The following RPTOR variants were observed in gnomAD, a reference collection of about 807,000 sequenced individuals.
RPTOR encodes the protein regulatory associated protein of MTOR complex 1.
A neutral mutation model predicts 169.9 loss-of-function variants in RPTOR; 21 were observed. The observed-to-expected ratio is 0.12, with a 90% CI of 0.09 to 0.18. The LOEUF (loss-of-function observed/expected upper bound fraction) is 0.18. Among genes scored for constraint, RPTOR ranks in the 10% least tolerant of loss-of-function variants. RPTOR has a pLI of 1.00. For missense variants in RPTOR, 1,133 were observed against 1,855.9 expected, an observed-to-expected ratio of 0.61 and a Z score of 7.16; for synonymous variants, 732 against 753.2, an observed-to-expected ratio of 0.97 and a Z score of 0.46.
At chr17:80,882,693 G>A (rs1211675462) in intron 14 of RPTOR, among the ~76,000 whole-genome samples, 1 of 152,180 alleles carries the variant, frequency 6.6e-6, no homozygotes, top group East Asian at 1.9e-4. Flanking sequence ...CAAGATGCAG[G>A]ACACGGCAAA....
At position 80,861,540 on chromosome 17, in the gene RPTOR, C is replaced by T. The variant is rs1567954421; in HGVS notation, c.1509+3640C>T. On this transcript the variant is annotated intron_variant, in intron 13 of 33. Transcript: ENST00000306801. The surrounding 1 kb of genome is among the most constrained non-coding windows in gnomAD (Gnocchi z 4.5). ...TGAAACGTGGTTTCTGTCCTACACC[C>T]ATATCTTCGTCATCTACATGGACAC... is the stretch of plus-strand genomic sequence containing the variant. Among the ~76,000 whole-genome samples, 2 of 151,930 alleles carry T rather than the reference C, an allele frequency of 1.3e-5. No individual in the cohort carries two copies. Among genetic ancestry groups the T allele is most frequent in the African/African-American group, 4.8e-5 (2 of 41,420 alleles).
chr17:80,692,375 G>A (rs1342328499), intron 3 of RPTOR, among the ~76,000 whole-genome samples: 3 of 152,128 alleles, frequency 2.0e-5, no homozygotes, highest in East Asian at 1.9e-4. Context: ...AGGCTGGAGC[G>A]CAGTGGCATG....
At chr17:80,557,816 C>T (rs2084429751) in intron 1 of RPTOR, among the ~76,000 whole-genome samples, 1 of 151,820 alleles carries the variant, frequency 6.6e-6, no homozygotes, top group Non-Finnish European at 1.5e-5. Context: ...ATCCCAGCTA[C>T]TCGGGAGGCT....
intron 33 of RPTOR, among the ~76,000 whole-genome samples, chr17:80,963,986 C>T (rs1392083650): frequency 6.6e-6 from 1 of 152,186 alleles, no homozygotes; most frequent in Non-Finnish European, 1.5e-5. Context: ...TCTGCTGACA[C>T]GTGTGACATT....
At chr17:80,578,265 G>A (rs1047909278) in intron 1 of RPTOR, among the ~76,000 whole-genome samples, 1 of 152,162 alleles carries the variant, frequency 6.6e-6, no homozygotes, top group Non-Finnish European at 1.5e-5. Flanking sequence ...TGCGATGTTG[G>A]CACTGCTTTG....
intron 5 of RPTOR, among the ~76,000 whole-genome samples, chr17:80,742,665 A>G (rs1360137737): frequency 1.5e-5 from 2 of 130,214 alleles, no homozygotes; most frequent in Non-Finnish European, 3.4e-5. Context: ...ACACATGCAC[A>G]TACACATACA....
chr17:80,893,176 C>T (rs2068348003), intron 19 of RPTOR, among the ~76,000 whole-genome samples: 1 of 152,260 alleles, frequency 6.6e-6, no homozygotes, highest in South Asian at 2.1e-4. Flanking sequence ...AACCTGTGGT[C>T]TGCGGGTGGG....
chr17:80,922,607 C>T lies in RPTOR; in HGVS notation c.2521-117C>T, dbSNP rs914254715. ...CCTTCCATTGGTGTTGGTGCTTCCT[C>T]GGCCAAAGGCCTTTTCTGTGATTCT... On this transcript the variant is annotated intron_variant, in intron 21 of 33. Coordinates refer to ENST00000306801, the MANE Select transcript of RPTOR (RefSeq NM_020761.3). 43 of 825,392 alleles carry T rather than the reference C, an allele frequency of 5.2e-5. No individual in the cohort carries two copies. The Admixed American group carries it at 7.8e-4, about 15-fold the overall frequency. The allele number at this position is 825,392 out of a possible 1,614,324, so 51.1% of individuals were successfully genotyped here.
chr17:80,965,548 G>A lies in RPTOR; in HGVS notation c.*1218G>A, dbSNP rs1311659817. On this transcript the variant is annotated 3_prime_UTR_variant, in exon 34 of 34. Coordinates refer to ENST00000306801, the MANE Select transcript of RPTOR (RefSeq NM_020761.3). ...TTTGAAAAGTGTTCTTTCCGTGTTC[G>A]TCGGGAATCAGGATTATTGAGAGGT... 13 of 233,266 alleles carry A rather than the reference G, an allele frequency of 5.6e-5. No homozygotes were observed. Among genetic ancestry groups the A allele is most frequent in the South Asian group, 3.6e-4 (2 of 5,538 alleles). 14.4% of individuals were successfully genotyped at this position (233,266 alleles called of 1,614,324 possible).
chr17:80,666,032 G>A (rs1308900907), intron 3 of RPTOR, among the ~76,000 whole-genome samples: 1 of 152,150 alleles, frequency 6.6e-6, no homozygotes, highest in Non-Finnish European at 1.5e-5. Flanking sequence ...ACTGGGACTT[G>A]TGGGCTGAGC....
At chr17:80,663,186 A>C (rs1474785226) in intron 3 of RPTOR, among the ~76,000 whole-genome samples, 2 of 152,182 alleles carry the variant, frequency 1.3e-5, no homozygotes, top group South Asian at 2.1e-4. Flanking sequence ...CGCAGGGTGC[A>C]TCCACCCTCC....
Position 80,855,452 on chromosome 17 carries a change from T to G in RPTOR, c.1315-12T>G. The G allele has an allele frequency of 1.2e-6, 2 of 1,608,350 alleles. No homozygotes were observed. Among genetic ancestry groups the G allele is most frequent in the Non-Finnish European group, 1.7e-6 (2 of 1,174,824 alleles). ...GGTTTGCAGTGATACCATTTTCTTC[T>G]TGTTCTTCCAGGTGCTGTTAAGCCA... On this transcript the variant is annotated splice_polypyrimidine_tract_variant and intron_variant, in intron 11 of 33. Transcript: ENST00000306801.
At chr17:80,862,371 A>G (rs1159604620) in intron 13 of RPTOR, among the ~76,000 whole-genome samples, 1 of 152,080 alleles carries the variant, frequency 6.6e-6, no homozygotes, top group Non-Finnish European at 1.5e-5. Context: ...AACTTCCCAG[A>G]GATGAAAGTT....
intron 1 of RPTOR, among the ~76,000 whole-genome samples, chr17:80,561,472 T>C (rs2084494691): frequency 6.7e-6 from 1 of 149,562 alleles, no homozygotes; most frequent in African/African-American, 2.5e-5. Flanking sequence ...ACTGTGTCAC[T>C]GAGGCTGGAG....
At chr17:80,679,458 A>G (rs1187707986) in intron 3 of RPTOR, among the ~76,000 whole-genome samples, 1 of 152,058 alleles carries the variant, frequency 6.6e-6, no homozygotes, top group Non-Finnish European at 1.5e-5. Flanking sequence ...ATGTTACTCT[A>G]AGTTTTCGTT....
At chr17:80,833,116 G>C (rs1042442716) in intron 9 of RPTOR, among the ~76,000 whole-genome samples, 6 of 152,248 alleles carry the variant, frequency 3.9e-5, no homozygotes, top group East Asian at 3.9e-4. Context: ...CGGGGCGGGC[G>C]CGCTCTGACT....
chr17:80,903,277 G>A (rs931854748), intron 20 of RPTOR, among the ~76,000 whole-genome samples: 5 of 152,230 alleles, frequency 3.3e-5, no homozygotes, highest in Non-Finnish European at 7.3e-5. Context: ...ACCTGAACAC[G>A]GGATTCTGCG....
chr17:80,683,303 C>T (rs911338821), intron 3 of RPTOR, among the ~76,000 whole-genome samples: 2 of 152,152 alleles, frequency 1.3e-5, no homozygotes, highest in Admixed American at 6.5e-5. Context: ...TGTCTTCTCC[C>T]GACAAGAGCA....
rs573482516 is a variant in RPTOR, at chr17:80,551,036, T to G, written c.162+5245T>G. ...CCGAGTAGCTGGGACTACCAGTGCA[T>G]GACACCATGCCCGGCTGATTTTTTG... is the stretch of plus-strand genomic sequence containing the variant. On this transcript the variant is annotated intron_variant, in intron 1 of 33. Coordinates refer to ENST00000306801, the MANE Select transcript of RPTOR (RefSeq NM_020761.3). Among the ~76,000 whole-genome samples, 208 of 152,256 alleles carry G rather than the reference T, an allele frequency of 1.4e-3. 1 individual carries two copies. Among genetic ancestry groups the G allele is most frequent in the African/African-American group, 4.8e-3 (199 of 41,552 alleles).
Sources: allele counts gnomAD v4.1 joint callset (sites outside exome capture counted in the v4.1 genomes callset), GRCh38; gene constraint gnomAD v4.1.1; non-coding constraint Gnocchi (gnomAD v3.1); transcripts MANE v1.5; gene names NCBI Gene and HGNC (gene_info 2026-07-23, HGNC 2026-07-21).